The following ZMIZ1 variants were observed in gnomAD, a reference collection of about 807,000 sequenced individuals.
ZMIZ1 encodes the protein zinc finger MIZ domain-containing protein 1.
In ZMIZ1, 17 loss-of-function variants were observed where a neutral mutation model predicts 113.9. The ratio of observed to expected loss-of-function variants is 0.15; its 90% CI spans 0.10 to 0.22. The LOEUF (loss-of-function observed/expected upper bound fraction) is 0.22. Ranked by LOEUF, ZMIZ1 falls within the 10% of genes least tolerant of loss-of-function variation. ZMIZ1 has a pLI of 1.00. For missense variants in ZMIZ1, 1,059 were observed against 1,477.8 expected (o/e 0.72, Z 4.65); for synonymous variants, 607 against 603.1 (o/e 1.01, Z -0.09).
At chr10:79,269,951 A>G (rs1302091582) in intron 7 of ZMIZ1, among the ~76,000 whole-genome samples, 2 of 152,176 alleles carry the variant, frequency 1.3e-5, no homozygotes, top group Non-Finnish European at 2.9e-5. Flanking sequence ...TCTGAACAGT[A>G]CATGTAGATC....
Position 79,069,601 on chromosome 10 carries a change from C to G in ZMIZ1, c.-337+331C>G, listed in dbSNP as rs1255304969. On this transcript the variant is annotated intron_variant, in intron 1 of 24. Transcript: ENST00000334512. This position sits in a 1 kb window ranked among gnomAD's most constrained non-coding sequence, Gnocchi z 4.6. ...CCTGCCGGCGCGCCTCCAGCCCTCGCTCCCTACACCCGGGGGCCGGGCAGG... is the reference window on the plus strand; with the variant it reads ...CCTGCCGGCGCGCCTCCAGCCCTCGGTCCCTACACCCGGGGGCCGGGCAGG... Among the ~76,000 whole-genome samples, 1 of 151,556 alleles carries G rather than the reference C, an allele frequency of 6.6e-6. No individual in the cohort carries two copies. Among genetic ancestry groups the G allele is most frequent in the Non-Finnish European group, 1.5e-5 (1 of 67,790 alleles).
chr10:79,073,341 T>C (rs1400512413), intron 1 of ZMIZ1, among the ~76,000 whole-genome samples: 1 of 152,184 alleles, frequency 6.6e-6, no homozygotes, highest in African/African-American at 2.4e-5. Flanking sequence ...ACAAAGGGTT[T>C]AGATTGCAAG....
At chr10:79,300,053 G>A (rs1239705783) in intron 16 of ZMIZ1, among the ~76,000 whole-genome samples, 3 of 152,232 alleles carry the variant, frequency 2.0e-5, no homozygotes, top group Non-Finnish European at 4.4e-5. Context: ...AGCAGGCTGG[G>A]TGAGGTGGCC....
At chr10:79,158,471 C>G (rs1001865485) in intron 3 of ZMIZ1, among the ~76,000 whole-genome samples, 1 of 152,232 alleles carries the variant, frequency 6.6e-6, no homozygotes, top group Non-Finnish European at 1.5e-5. Context: ...CAATTCTACC[C>G]ACTCTTGCCC....
At chr10:79,070,111 G>A (rs1049722621) in intron 1 of ZMIZ1, among the ~76,000 whole-genome samples, 10 of 151,728 alleles carry the variant, frequency 6.6e-5, no homozygotes, top group Admixed American at 1.3e-4. Context: ...GGCCAGCCGG[G>A]GCGGAGGTTG....
At chr10:79,230,198 T>TC (rs1227643008) in intron 7 of ZMIZ1, among the ~76,000 whole-genome samples, 2 of 147,702 alleles carry the variant, frequency 1.4e-5, no homozygotes, top group African/African-American at 2.5e-5. Flanking sequence ...ACTCTCCCCG[T>TC]CTCCTTTCTC....
At chr10:79,223,021 A>G (rs1849044489) in intron 7 of ZMIZ1, among the ~76,000 whole-genome samples, 1 of 152,056 alleles carries the variant, frequency 6.6e-6, no homozygotes, top group Admixed American at 6.5e-5. Flanking sequence ...GGTGGTGGGG[A>G]CATTCCTGGT....
At chr10:79,199,700 T>C (rs1277806476) in intron 4 of ZMIZ1, among the ~76,000 whole-genome samples, 2 of 152,230 alleles carry the variant, frequency 1.3e-5, no homozygotes, top group Non-Finnish European at 2.9e-5. Context: ...CTGATGGCAC[T>C]GGTTCTCCTA....
chr10:79,260,994 G>A (rs1318653561), intron 7 of ZMIZ1, among the ~76,000 whole-genome samples: 7 of 152,248 alleles, frequency 4.6e-5, no homozygotes, highest in South Asian at 2.1e-4. Context: ...TGACCTTCCC[G>A]AGGACACGTC....
chr10:79,266,368 G>T (rs1851604508), intron 7 of ZMIZ1, among the ~76,000 whole-genome samples: 1 of 152,230 alleles, frequency 6.6e-6, no homozygotes, highest in South Asian at 2.1e-4. Flanking sequence ...GTGACTGTTT[G>T]AATCACCCCT....
chr10:79,296,493 A>G lies in ZMIZ1; in HGVS notation c.1253A>G (p.Tyr418Cys), dbSNP rs1173582876. The change falls in exon 13 of 25, where the codon TAT becomes TGT. Residue 418 changes from tyrosine to cysteine, a missense_variant. Tyr to Cys is a radical substitution (Grantham distance 194). This residue lies in a region of ZMIZ1 where 239 missense variants were observed against 247.5 expected (regional missense o/e 0.97). Coordinates refer to ENST00000334512, the MANE Select transcript of ZMIZ1 (RefSeq NM_020338.4). This position sits in a 1 kb window ranked among gnomAD's most constrained non-coding sequence, Gnocchi z 4.1. ...CAGCCCAACTATGGAAACCAGCAAT[A>G]TGGACCAAACAGCCAGTTCCCCACC... ...PGEPNYGNQQ[Y>C]GPNSQFPTQP... 1 of 1,613,812 alleles carries G rather than the reference A, an allele frequency of 6.2e-7. No individual in the cohort carries two copies. Among genetic ancestry groups the G allele is most frequent in the Non-Finnish European group, 8.5e-7 (1 of 1,179,962 alleles).
At chr10:79,244,890 T>C (rs1033042476) in intron 7 of ZMIZ1, among the ~76,000 whole-genome samples, 1 of 152,100 alleles carries the variant, frequency 6.6e-6, no homozygotes, top group Non-Finnish European at 1.5e-5. Flanking sequence ...CTGAAGCTTA[T>C]CTCCCATCTG....
At chr10:79,079,645 G>GC (rs1414407459) in intron 1 of ZMIZ1, among the ~76,000 whole-genome samples, 1 of 152,156 alleles carries the variant, frequency 6.6e-6, no homozygotes, top group Non-Finnish European at 1.5e-5. Context: ...GGGCCGGGGG[G>GC]GTCCAGGGAA....
At chr10:79,276,716 C>G (rs925428086) in intron 7 of ZMIZ1, among the ~76,000 whole-genome samples, 1 of 152,118 alleles carries the variant, frequency 6.6e-6, no homozygotes, top group Non-Finnish European at 1.5e-5. Context: ...TTTGAGCCCA[C>G]CCATGGGGAG....
chr10:79,199,888 C>T (rs539216006), intron 4 of ZMIZ1, among the ~76,000 whole-genome samples: 1 of 152,306 alleles, frequency 6.6e-6, no homozygotes, highest in African/African-American at 2.4e-5. Context: ...GGACTTTCTT[C>T]CAAAGGCTGG....
At chr10:79,073,716 G>A (rs1219171265) in intron 1 of ZMIZ1, among the ~76,000 whole-genome samples, 2 of 151,914 alleles carry the variant, frequency 1.3e-5, no homozygotes, top group Non-Finnish European at 2.9e-5. Flanking sequence ...GCAGAAGGGG[G>A]AAGGGTCTGC....
At chr10:79,259,546 T>G (rs1486279327) in intron 7 of ZMIZ1, among the ~76,000 whole-genome samples, 1 of 152,152 alleles carries the variant, frequency 6.6e-6, no homozygotes, top group Non-Finnish European at 1.5e-5. Context: ...CAAGTTTCCC[T>G]AATGCTTAGT....
rs775117040 is a variant in ZMIZ1, at chr10:79,311,100, C to T, written c.3012C>T (p.Ser1004=). 102 of 1,613,564 alleles carry T rather than the reference C, an allele frequency of 6.3e-5. No individual in the cohort carries two copies. Among genetic ancestry groups the T allele is most frequent in the Admixed American group, 1.0e-4 (6 of 60,004 alleles). The part of the protein sequence containing the change: ...PQAAPSSHPH[S]DLTFNPSSAL... ...CCGCTCCCAGCAGCCATCCACACAG[C>T]GACCTGACCTTTAACCCCTCCTCAG... The change falls in exon 24 of 25, where the codon AGC becomes AGT. Residue 1004 remains serine, a synonymous_variant. Coordinates refer to ENST00000334512, the MANE Select transcript of ZMIZ1 (RefSeq NM_020338.4).
intron 2 of ZMIZ1, among the ~76,000 whole-genome samples, chr10:79,120,323 C>T (rs75328550): frequency 2.6e-5 from 4 of 152,210 alleles, no homozygotes; most frequent in African/African-American, 9.7e-5. Flanking sequence ...CACACATACA[C>T]GGGCACAAAC....
Sources: allele counts gnomAD v4.1 joint callset (sites outside exome capture counted in the v4.1 genomes callset), GRCh38; gene constraint gnomAD v4.1.1; regional missense constraint gnomAD v4.1.1; non-coding constraint Gnocchi (gnomAD v3.1); transcripts MANE v1.5; gene names NCBI Gene and HGNC (gene_info 2026-07-23, HGNC 2026-07-21).